The following AKAP6 variants were observed in gnomAD, a reference collection of about 807,000 sequenced individuals.
AKAP6 encodes A-kinase anchor protein 6.
A neutral mutation model predicts 188.5 loss-of-function variants in AKAP6; 58 were observed. The observed-to-expected ratio is 0.31, with a 90% confidence interval of 0.25 to 0.38. The LOEUF is 0.38. AKAP6 is among the 10% of genes least tolerant of loss of function. AKAP6 has a pLI of 1.00. For missense variants in AKAP6, 2,710 were observed against 2,740.0 expected, an observed-to-expected ratio of 0.99 and a Z score of 0.24; for synonymous variants, 989 against 998.6, an observed-to-expected ratio of 0.99 and a Z score of 0.18.
intron 2 of AKAP6, among the ~76,000 whole-genome samples, chr14:32,461,924 C>T (rs182750286): frequency 2.1e-3 from 317 of 151,638 alleles, no homozygotes; most frequent in South Asian, 4.4e-3. Flanking sequence ...ATGAGAACTT[C>T]GTGAAGCATA....
intron 1 of AKAP6, among the ~76,000 whole-genome samples, chr14:32,394,759 G>T (rs531414712): frequency 1.3e-5 from 2 of 152,072 alleles, no homozygotes; most frequent in Non-Finnish European, 2.9e-5. Context: ...TAGTTTTACC[G>T]TGATTTTTGG....
chr14:32,499,861 G>A (rs565846424), intron 2 of AKAP6, among the ~76,000 whole-genome samples: 3 of 151,946 alleles, frequency 2.0e-5, no homozygotes, highest in Admixed American at 2.0e-4. Flanking sequence ...GACAATTTTA[G>A]TTGATGAATA....
intron 9 of AKAP6, 82 bp downstream of exon 9, chr14:32,696,192 C>A: frequency 6.7e-7 from 1 of 1,500,802 alleles, no homozygotes. Flanking sequence ...CTCAGGATAT[C>A]TTTTCGTTCA....
chr14:32,730,041 A>G (rs186474023), intron 9 of AKAP6, among the ~76,000 whole-genome samples: 1 of 152,306 alleles, frequency 6.6e-6, no homozygotes, highest in East Asian at 1.9e-4. Context: ...AAGAGACAGA[A>G]GAGCAAAAAC....
At chr14:32,348,421 T>TC (rs1555319590) in intron 1 of AKAP6, among the ~76,000 whole-genome samples, 1 of 131,878 alleles carries the variant, frequency 7.6e-6, no homozygotes, top group Non-Finnish European at 1.5e-5. Context: ...TTGTTTCTTT[T>TC]TTTTTTTTTT....
intron 2 of AKAP6, among the ~76,000 whole-genome samples, chr14:32,441,658 C>T (rs562771151): frequency 9.5e-5 from 14 of 147,366 alleles, no homozygotes; most frequent in African/African-American, 3.7e-4. Flanking sequence ...GGCACATTAT[C>T]GCAGAAGATC....
intron 5 of AKAP6, among the ~76,000 whole-genome samples, chr14:32,593,871 C>T (rs1467134260): frequency 6.6e-6 from 1 of 152,100 alleles, no homozygotes; most frequent in African/African-American, 2.4e-5. Context: ...GGGGGGTCCT[C>T]TGTGGGAAGG....
At chr14:32,355,521 C>T (rs1185016850) in intron 1 of AKAP6, among the ~76,000 whole-genome samples, 1 of 152,060 alleles carries the variant, frequency 6.6e-6, no homozygotes, top group Non-Finnish European at 1.5e-5. Flanking sequence ...GAATGAAATG[C>T]ATAGAATTAC....
chr14:32,677,932 T>C (rs945732585), intron 7 of AKAP6, among the ~76,000 whole-genome samples: 1 of 152,214 alleles, frequency 6.6e-6, no homozygotes, highest in South Asian at 2.1e-4. Flanking sequence ...TATGTGTCCA[T>C]GCAAATGTGT....
intron 7 of AKAP6, among the ~76,000 whole-genome samples, chr14:32,608,183 C>T (rs1242302524): frequency 1.3e-5 from 2 of 152,028 alleles, no homozygotes; most frequent in African/African-American, 2.4e-5. Flanking sequence ...GGTCAAAGGA[C>T]AGCTAATGTT....
intron 5 of AKAP6, among the ~76,000 whole-genome samples, chr14:32,584,875 G>T (rs1885158846): frequency 6.6e-6 from 1 of 152,024 alleles, no homozygotes; most frequent in Non-Finnish European, 1.5e-5. Flanking sequence ...ACCACAATTT[G>T]TTCTATCCAT....
chr14:32,652,911 G>A (rs1168431203), intron 7 of AKAP6, among the ~76,000 whole-genome samples: 1 of 152,076 alleles, frequency 6.6e-6, no homozygotes, highest in Non-Finnish European at 1.5e-5. Flanking sequence ...AAATTAGCTG[G>A]CCATGGTGGC....
At chr14:32,771,999 C>A (rs2032911848) in intron 11 of AKAP6, among the ~76,000 whole-genome samples, 1 of 151,962 alleles carries the variant, frequency 6.6e-6, no homozygotes, top group South Asian at 2.1e-4. Context: ...GTTTGACTTG[C>A]CCAACAGTCG....
chr14:32,373,792 G>A (rs1888081173), intron 1 of AKAP6, among the ~76,000 whole-genome samples: 2 of 152,276 alleles, frequency 1.3e-5, no homozygotes, highest in South Asian at 4.1e-4. Flanking sequence ...TGCAAAGGCG[G>A]TTCCATAAGG....
intron 7 of AKAP6, among the ~76,000 whole-genome samples, chr14:32,638,280 T>C (rs1887601418): frequency 6.6e-6 from 1 of 152,054 alleles, no homozygotes; most frequent in Non-Finnish European, 1.5e-5. Flanking sequence ...ATGAGAGGCA[T>C]AGTAGAGTTA....
At chr14:32,360,940 G>A (rs1013400027) in intron 1 of AKAP6, among the ~76,000 whole-genome samples, 7 of 151,152 alleles carry the variant, frequency 4.6e-5, no homozygotes, top group African/African-American at 7.3e-5. Flanking sequence ...TAGAGATGGG[G>A]GTCTCACTAT....
chr14:32,721,291 G>A (rs2030521867), intron 9 of AKAP6, among the ~76,000 whole-genome samples: 1 of 152,166 alleles, frequency 6.6e-6, no homozygotes, highest in Non-Finnish European at 1.5e-5. Flanking sequence ...AGGAGAAATT[G>A]CAATTATGCC....
At chr14:32,698,963 T>C (rs1306473051) in intron 9 of AKAP6, among the ~76,000 whole-genome samples, 3 of 152,134 alleles carry the variant, frequency 2.0e-5, no homozygotes, top group African/African-American at 7.2e-5. Flanking sequence ...TGTTCTTCTC[T>C]CCCTGGGTGT....
In AKAP6 at chr14:32,545,675, CTG is replaced by C; in HGVS notation, c.1023_1024del (p.Glu342AspfsTer13). 1 of 1,614,194 alleles carries C rather than the reference CTG, an allele frequency of 6.2e-7. No individual in the cohort carries two copies. The highest frequency in any genetic ancestry group is 8.5e-7 in the Non-Finnish European group (1 of 1,180,034). ...CTGACAAATGCTGCTCAACCCTCCT[CTG>C]AGACTGTGCAGCAAGAATCCAGTTC... On this transcript the variant is annotated frameshift_variant, in exon 4 of 14. Coordinates refer to ENST00000280979, the MANE Select transcript of AKAP6 (RefSeq NM_004274.5). LOFTEE classifies it high-confidence loss of function.
Sources: allele counts gnomAD v4.1 joint callset (sites outside exome capture counted in the v4.1 genomes callset), GRCh38; gene constraint gnomAD v4.1.1; transcripts MANE v1.5; gene names NCBI Gene and HGNC (gene_info 2026-07-23, HGNC 2026-07-21).